The following FANCB variants were observed in gnomAD, a reference collection of about 807,000 sequenced individuals.
FANCB encodes the protein Fanconi anemia group B protein.
FANCB carries 5 observed loss-of-function variants against 38.9 expected under a neutral mutation model. The observed-to-expected ratio is 0.13, with a 90% CI of 0.07 to 0.27. The LOEUF is 0.27. Ranked by LOEUF, FANCB falls within the 10% of genes least tolerant of loss-of-function variation. FANCB has a pLI of 1.00. For synonymous variants in FANCB, 236 were observed against 215.4 expected (o/e 1.10, Z -0.84); for missense variants, 573 against 602.7 (o/e 0.95, Z 0.52).
chrX:14,828,295 C>G, the FANCB span, among the ~76,000 whole-genome samples: 1 of 111,647 alleles, frequency 9.0e-6, no homozygotes, highest in African/African-American at 3.3e-5. Context: ...TTGAATGGCT[C>G]TTGCTTTCAG....
the FANCB span, among the ~76,000 whole-genome samples, chrX:14,693,239 C>A: frequency 4.5e-5 from 5 of 111,426 alleles, no homozygotes; most frequent in African/African-American, 1.6e-4. Context: ...AATAGGCACA[C>A]CTATAATATA....
At chrX:14,835,573 C>T (rs981492138), downstream of FANCB, among the ~76,000 whole-genome samples, 2 of 111,653 alleles carry the variant, frequency 1.8e-5, no homozygotes, top group African/African-American at 6.5e-5. Flanking sequence ...TCGGGTAGGG[C>T]CCAAGAATTA....
the FANCB span, among the ~76,000 whole-genome samples, chrX:14,799,933 G>GCAAAGTA: frequency 8.9e-6 from 1 of 111,891 alleles, no homozygotes; most frequent in Non-Finnish European, 1.9e-5. Context: ...AGTATGGTAA[G>GCAAAGTA]TGTTGTCTAG....
At chrX:14,706,402 T>C in the FANCB span, among the ~76,000 whole-genome samples, 1 of 112,582 alleles carries the variant, frequency 8.9e-6, no homozygotes, top group Non-Finnish European at 1.9e-5. Flanking sequence ...GGCATACTAT[T>C]ACTATTAAGA....
chrX:14,857,781 T>C, intron 5 of FANCB, 81 bp downstream of exon 5: 1 of 710,958 alleles, frequency 1.4e-6, no homozygotes, highest in East Asian at 3.2e-5. Context: ...TGCTTATACT[T>C]TAAGGACCTT....
At chrX:14,801,227 T>C in the FANCB span, among the ~76,000 whole-genome samples, 1 of 112,011 alleles carries the variant, frequency 8.9e-6, no homozygotes, top group Non-Finnish European at 1.9e-5. Flanking sequence ...ATCAGGCAAA[T>C]TTTTTCAGCT....
At chrX:14,800,465 CAGAG>C in the FANCB span, among the ~76,000 whole-genome samples, 1 of 110,068 alleles carries the variant, frequency 9.1e-6, no homozygotes, top group East Asian at 2.8e-4. Context: ...CTAGAGCTTT[CAGAG>C]AGAGAGAGAG....
chrX:14,853,745 G>A (rs1569087178), intron 5 of FANCB, among the ~76,000 whole-genome samples: 1 of 111,501 alleles, frequency 9.0e-6, no homozygotes, highest in African/African-American at 3.3e-5. Context: ...GAAAACTACT[G>A]AAAAAAATAA....
Position 14,843,802 on chromosome X carries a change from C to T in FANCB, c.2345G>A (p.Ser782Asn). 1 of 1,210,889 alleles carries T rather than the reference C, an allele frequency of 8.3e-7. No individual in the cohort carries two copies. The highest frequency in any genetic ancestry group is 1.1e-6 in the Non-Finnish European group (1 of 894,934). The change falls in exon 10 of 10, where the codon AGC becomes AAC. Residue 782 changes from serine to asparagine, a missense_variant. Physicochemically the swap from Ser to Asn is conservative, Grantham distance 46 (BLOSUM62 1). Transcript: ENST00000650831. ...CACTTCACACCTCTGCATAAAATTG[C>T]TTTCATGTTTAGCTATGGCAGAAGA... ...SLSSAIAKHESNFMQRCEVSK... is the reference protein window; with the variant it reads ...SLSSAIAKHENNFMQRCEVSK...
chrX:14,730,805 G>A, the FANCB span: 1 of 209,100 alleles, frequency 4.8e-6, no homozygotes. Flanking sequence ...CATGATATGC[G>A]GGGTCAAGTT....
chrX:14,692,754 T>C, the FANCB span, among the ~76,000 whole-genome samples: 1 of 112,040 alleles, frequency 8.9e-6, no homozygotes, highest in Non-Finnish European at 1.9e-5. Flanking sequence ...TCATTTTGCT[T>C]CCCAATTCTA....
chrX:14,784,762 C>A, the FANCB span, among the ~76,000 whole-genome samples: 1 of 111,986 alleles, frequency 8.9e-6, no homozygotes, highest in Non-Finnish European at 1.9e-5. Flanking sequence ...ATAGAAGCAA[C>A]CCAAATGCCA....
At chrX:14,775,160 G>GTTTTTT in the FANCB span, among the ~76,000 whole-genome samples, 169 of 34,994 alleles carry the variant, frequency 4.8e-3, 24 homozygotes, top group Non-Finnish European at 7.2e-3. Context: ...TTTCTCTAAT[G>GTTTTTT]TTTTTTTTTT....
At chrX:14,782,586 G>C in the FANCB span, among the ~76,000 whole-genome samples, 2 of 111,632 alleles carry the variant, frequency 1.8e-5, no homozygotes, top group African/African-American at 3.3e-5. Flanking sequence ...AGGGCTTCTT[G>C]GAGACAGGAC....
At chrX:14,809,347 G>A in the FANCB span, among the ~76,000 whole-genome samples, 5 of 112,334 alleles carry the variant, frequency 4.5e-5, no homozygotes, top group Non-Finnish European at 9.4e-5. Flanking sequence ...TGGGTGCAGC[G>A]CACTGTGTGC....
the FANCB span, among the ~76,000 whole-genome samples, chrX:14,818,375 T>TA: frequency 0.072 from 5,659 of 78,897 alleles, 473 homozygotes; most frequent in African/African-American, 0.22. Flanking sequence ...TAGGCCTTAT[T>TA]AAAAAAAAAA....
rs774337829 is a variant in FANCB at position 14,864,920 on chromosome X, A to C, written c.591T>G (p.Thr197=). ...KECCLSEEEC[T]QEPSKSDYAI... is the part of the protein sequence containing the mutation. ...CATAATCTGATTTTGAAGGCTCTTG[A>C]GTACATTCTTCCTCAGATAAACAAC... The change falls in exon 3 of 10, where the codon ACT becomes ACG. Residue 197 remains threonine (T), a synonymous_variant. Coordinates refer to ENST00000650831, the MANE Select transcript of FANCB (RefSeq NM_001018113.3). 2.3e-5 allele frequency: 28 copies of C among 1,207,514 alleles called. No homozygotes were observed. Among genetic ancestry groups the C allele is most frequent in the Admixed American group, 6.6e-5 (3 of 45,799 alleles).
the FANCB span, among the ~76,000 whole-genome samples, chrX:14,774,446 T>C: frequency 8.9e-6 from 1 of 112,063 alleles, no homozygotes; most frequent in African/African-American, 3.2e-5. Flanking sequence ...TCAAACCTAT[T>C]TGGTAAAGTT....
At chrX:14,831,115 C>T (rs1228695957), downstream of FANCB, among the ~76,000 whole-genome samples, 1 of 112,030 alleles carries the variant, frequency 8.9e-6, no homozygotes. Context: ...TTAATGGACC[C>T]TCATCTCTGA....
Sources: gnomAD v4.1 joint callset for allele counts (sites outside exome capture counted in the v4.1 genomes callset) on GRCh38, gnomAD v4.1.1 for gene constraint, MANE v1.5 for transcripts, NCBI Gene and HGNC (gene_info 2026-07-23, HGNC 2026-07-21) for gene names.